The following DCHS1 variants were observed in gnomAD, a reference collection of about 807,000 sequenced individuals.
DCHS1 encodes the protein protocadherin-16.
In DCHS1, 78 loss-of-function variants were observed where a neutral mutation model predicts 213.9. That is an observed-to-expected ratio of 0.36 (90% CI 0.30 to 0.44). The LOEUF is 0.44. DCHS1 is among the 20% of genes least tolerant of loss of function. The probability of loss-of-function intolerance (pLI) is 1.00; values close to 1 mark genes in which losing one functional copy is unlikely to be tolerated. For missense variants in DCHS1, 3,946 were observed against 4,395.9 expected (o/e 0.90, Z 2.89); for synonymous variants, 1,828 against 1,873.7 (o/e 0.98, Z 0.63).
intron 1 of DCHS1, among the ~76,000 whole-genome samples, chr11:6,645,265 C>T (rs932327187): frequency 1.3e-5 from 2 of 152,150 alleles, no homozygotes; most frequent in Non-Finnish European, 2.9e-5. Context: ...ACAAGGAGGT[C>T]AGGGTGAACC....
chr11:6,647,313 C>T (rs548056279), intron 1 of DCHS1, among the ~76,000 whole-genome samples: 2 of 152,190 alleles, frequency 1.3e-5, no homozygotes, highest in East Asian at 3.9e-4. Flanking sequence ...GCAGGAACAG[C>T]CACAGCCCCA....
intron 1 of DCHS1, among the ~76,000 whole-genome samples, chr11:6,650,591 T>C (rs930410662): frequency 5.9e-5 from 9 of 151,880 alleles, no homozygotes; most frequent in Non-Finnish European, 1.3e-4. Flanking sequence ...GAACCTAATA[T>C]GGGGAGGACT....
chr11:6,638,306 C>T (rs1420686160), intron 2 of DCHS1, among the ~76,000 whole-genome samples: 1 of 152,212 alleles, frequency 6.6e-6, no homozygotes, highest in Non-Finnish European at 1.5e-5. Flanking sequence ...CTCCTGCTGC[C>T]ATTCTCCACA....
chr11:6,636,150 G>A (rs1196154592), intron 2 of DCHS1, among the ~76,000 whole-genome samples: 1 of 152,136 alleles, frequency 6.6e-6, no homozygotes, highest in Non-Finnish European at 1.5e-5. Context: ...TACTCCATAT[G>A]CCTATCCCAA....
In DCHS1 at chr11:6,623,976, T is replaced by C. The variant is rs1855749960; in HGVS notation, c.7700A>G (p.Gln2567Arg). ...AGCTGCAGCCACTGTTAGATTGTAC[T>C]GTGTCAGGCTTTCAAAGTCTAGAGG... ...LEPLDFESLT[Q>R]YNLTVAAADR... is the part of the protein sequence containing the mutation. Residue 2567 changes from glutamine (Q) to arginine (R), a missense_variant, in exon 21 of 21, where the codon CAG becomes CGG. Gln to Arg is a conservative substitution (Grantham distance 43). Transcript: ENST00000299441. 6.2e-7 allele frequency: 1 copy of C among 1,610,686 alleles called. No homozygotes were observed. Among genetic ancestry groups the C allele is most frequent in the Non-Finnish European group, 8.5e-7 (1 of 1,177,478 alleles).
Position 6,632,124 on chromosome 11 carries a change from T to C in DCHS1, c.3388A>G (p.Thr1130Ala). The C allele has an allele frequency of 1.3e-6, 2 of 1,573,556 alleles. No homozygotes were observed. Among genetic ancestry groups the C allele is most frequent in the Non-Finnish European group, 8.7e-7 (1 of 1,155,668 alleles). Residue 1130 changes from threonine to alanine, a missense_variant, in exon 6 of 21, where the codon ACT (threonine) becomes GCT (alanine). This residue lies in a region of DCHS1 where 3,384 missense variants were observed against 3,780.1 expected (regional missense o/e 0.90). Coordinates refer to ENST00000299441, the MANE Select transcript of DCHS1 (RefSeq NM_003737.4). The surrounding 1 kb of genome is among the most constrained non-coding windows in gnomAD (Gnocchi z 5.9). The part of the protein sequence containing the change: ...PGTSVGRVFA[T>A]DRDSGPNGRL... Reference sequence around the variant, plus strand: ...CCATTGGGTCCTGAGTCTCGGTCAGTGGCAAAGACTCGGCCCACGCTGGTC... The same window carrying C: ...CCATTGGGTCCTGAGTCTCGGTCAGCGGCAAAGACTCGGCCCACGCTGGTC...
Position 6,630,090 on chromosome 11 carries a change from T to A in DCHS1, c.4704A>T (p.Val1568=), listed in dbSNP as rs530546569. The A allele has an allele frequency of 5.0e-6, 8 of 1,595,726 alleles. No individual in the cohort carries two copies. In the East Asian group the frequency reaches 1.8e-4, roughly 36 times the overall value. Residue 1568 remains valine, a synonymous_variant, in exon 10 of 21, where the codon GTA becomes GTT. Coordinates refer to ENST00000299441, the MANE Select transcript of DCHS1 (RefSeq NM_003737.4). ...QPPGPAALHV[V]ARDPDLGEAA... is the part of the protein sequence containing the mutation. ...CCTCGCCCAGATCCGGGTCCCGGGC[T>A]ACCACGTGCAGGGCCGCGGGCCCAG...
rs1364162808 is a variant in DCHS1 at position 6,628,506 on chromosome 11, G to A, written c.5371+115C>T. 7 of 1,150,544 alleles carry A rather than the reference G, an allele frequency of 6.1e-6. No individual in the cohort carries two copies. The African/African-American group carries it at 6.1e-5, about 10-fold the overall frequency. The allele number at this position is 1,150,544 out of a possible 1,614,324, so 71.3% of individuals were successfully genotyped here. ...TATAAGCATGAAAGAAAAGGTGGACGACATCAAGAGGGAAAAGGAGACCCA... is the reference window on the plus strand; with the variant it reads ...TATAAGCATGAAAGAAAAGGTGGACAACATCAAGAGGGAAAAGGAGACCCA... On this transcript the variant is annotated intron_variant, in intron 13 of 20. Coordinates refer to ENST00000299441, the MANE Select transcript of DCHS1 (RefSeq NM_003737.4). This position sits in a 1 kb window ranked among gnomAD's most constrained non-coding sequence, Gnocchi z 4.3.
intron 1 of DCHS1, among the ~76,000 whole-genome samples, chr11:6,649,699 G>A (rs747642713): frequency 2.6e-5 from 4 of 152,140 alleles, no homozygotes; most frequent in South Asian, 2.1e-4. Context: ...CGGCAGGGAC[G>A]GGCAGGGCAG....
Position 6,631,065 on chromosome 11 carries a change from C to A in DCHS1, c.3918G>T (p.Gln1306His). The change falls in exon 9 of 21, where the codon CAG (glutamine) becomes CAT (histidine). Residue 1306 changes from glutamine (Q) to histidine (H), a missense_variant. This residue lies in a region of DCHS1 where 3,384 missense variants were observed against 3,780.1 expected (regional missense o/e 0.90). Coordinates refer to ENST00000299441, the MANE Select transcript of DCHS1 (RefSeq NM_003737.4). Reference protein sequence around the residue: ...QGSPPRSASLQLLVQVLPSAR... With the variant: ...QGSPPRSASLHLLVQVLPSAR... ...AGGGCAGCCATACCTGCACCAGCAGCTGGAGGCTGGCACTTCGAGGAGGGC... is the reference window on the plus strand; with the variant it reads ...AGGGCAGCCATACCTGCACCAGCAGATGGAGGCTGGCACTTCGAGGAGGGC... 3.7e-6 allele frequency: 6 copies of A among 1,608,962 alleles called. No individual in the cohort carries two copies. In the East Asian group the frequency reaches 1.3e-4, roughly 36 times the overall value.
chr11:6,654,958 G>A (rs982829853), intron 1 of DCHS1, among the ~76,000 whole-genome samples: 5 of 151,018 alleles, frequency 3.3e-5, no homozygotes, highest in African/African-American at 1.2e-4. Flanking sequence ...ACTCCCAGTT[G>A]CTCCAATCTC....
chr11:6,654,713 T>C (rs1418039260), intron 1 of DCHS1, among the ~76,000 whole-genome samples: 1 of 152,088 alleles, frequency 6.6e-6, no homozygotes, highest in Non-Finnish European at 1.5e-5. Flanking sequence ...TGGGACTGTG[T>C]CCTCTTGTGG....
chr11:6,625,305 G>A lies in DCHS1; in HGVS notation c.7039C>T (p.Leu2347=). 6.2e-7 allele frequency: 1 copy of A among 1,613,884 alleles called. No individual in the cohort carries two copies. The highest frequency in any genetic ancestry group is 8.5e-7 in the Non-Finnish European group (1 of 1,179,886). ...LDFEQCDRYQ[L]QLLAHDGPHE... ...GGCCCATCATGTGCCAGCAGCTGCA[G>A]CTGGTAGCGGTCACACTGCTCAAAG... is the stretch of plus-strand genomic sequence containing the variant. Residue 2347 remains leucine, a synonymous_variant, in exon 19 of 21, where the codon CTG becomes TTG. Transcript: ENST00000299441. The surrounding 1 kb of genome is among the most constrained non-coding windows in gnomAD (Gnocchi z 5.3).
Position 6,626,365 on chromosome 11 carries a change from C to A in DCHS1, c.6380G>T (p.Arg2127Leu). ...CTCGAAGTCTAGCCCCTCTGCTGAG[C>A]GAACTGTGATGGCACCTGGGCGAGA... ...IQPSTGAITV[R>L]SAEGLDFEVS... The change falls in exon 16 of 21, where the codon CGC (arginine) becomes CTC (leucine). Residue 2127 changes from arginine (R) to leucine (L), a missense_variant. This residue lies in a region of DCHS1 where 3,384 missense variants were observed against 3,780.1 expected (regional missense o/e 0.90). Coordinates refer to ENST00000299441, the MANE Select transcript of DCHS1 (RefSeq NM_003737.4). The surrounding 1 kb of genome is among the most constrained non-coding windows in gnomAD (Gnocchi z 5.2). 6.2e-7 allele frequency: 1 copy of A among 1,613,310 alleles called. No homozygotes were observed. The highest frequency in any genetic ancestry group is 8.5e-7 in the Non-Finnish European group (1 of 1,179,612).
intron 2 of DCHS1, among the ~76,000 whole-genome samples, chr11:6,638,954 T>C (rs1280983115): frequency 6.6e-6 from 1 of 151,934 alleles, no homozygotes; most frequent in African/African-American, 2.4e-5. Context: ...CTATTAAAAA[T>C]ACAAAAAATT....
In DCHS1 at chr11:6,632,153, G is replaced by A; in HGVS notation, c.3359C>T (p.Pro1120Leu). ...AAAGACTCGGCCCACGCTGGTCCCT[G>A]GGGGCTGGTTCTCAGCCACAGCCAG... is the stretch of plus-strand genomic sequence containing the variant. ...TFLAVAENQP[P>L]GTSVGRVFAT... Residue 1120 changes from proline to leucine, a missense_variant, in exon 6 of 21, where the codon CCA (proline) becomes CTA (leucine). Pro to Leu is a moderately conservative substitution (Grantham distance 98). This residue lies in a region of DCHS1 where 3,384 missense variants were observed against 3,780.1 expected (regional missense o/e 0.90). Transcript: ENST00000299441. This position sits in a 1 kb window ranked among gnomAD's most constrained non-coding sequence, Gnocchi z 5.9. 1 of 1,592,138 alleles carries A rather than the reference G, an allele frequency of 6.3e-7. No homozygotes were observed. The highest frequency in any genetic ancestry group is 8.6e-7 in the Non-Finnish European group (1 of 1,165,852).
chr11:6,650,207 T>C (rs1856223674), intron 1 of DCHS1, among the ~76,000 whole-genome samples: 1 of 152,084 alleles, frequency 6.6e-6, no homozygotes, highest in South Asian at 2.1e-4. Flanking sequence ...TTCTATCCAG[T>C]AGCTTAGAAA....
In DCHS1 at chr11:6,630,601, G is replaced by T; in HGVS notation, c.4193C>A (p.Ala1398Asp). The part of the protein sequence containing the change: ...LYLARPLDFE[A>D]GPPWRALTVR... Reference sequence around the variant, plus strand: ...CGTAAGCGCGCGCCACGGCGGGCCAGCTTCGAAGTCCAGGGGCCGCGCCAG... The same window carrying T: ...CGTAAGCGCGCGCCACGGCGGGCCATCTTCGAAGTCCAGGGGCCGCGCCAG... Residue 1398 changes from alanine (A) to aspartate (D), a missense_variant, in exon 10 of 21, where the codon GCT becomes GAT. By Grantham distance (126) the Ala-to-Asp change is moderately radical. Transcript: ENST00000299441. 6.5e-7 allele frequency: 1 copy of T among 1,542,420 alleles called. No homozygotes were observed. The highest frequency in any genetic ancestry group is 2.0e-5 in the Admixed American group (1 of 50,930).
rs200080554 is a variant in DCHS1, at chr11:6,632,241, C to T, written c.3271G>A (p.Val1091Met). The stretch of plus-strand genomic sequence containing the variant: ...TTCTGGTTGAGGATGCTGACCCTCA[C>T]GGTGGCTGTGCCTGTCTGCTGCCCC... ...ELGQQTGTATVRVSILNQNEH... is the reference protein window; with the variant it reads ...ELGQQTGTATMRVSILNQNEH... The change falls in exon 6 of 21, where the codon GTG becomes ATG. Residue 1091 changes from valine (V) to methionine (M), a missense_variant. Physicochemically the swap from Val to Met is conservative, Grantham distance 21. Coordinates refer to ENST00000299441, the MANE Select transcript of DCHS1 (RefSeq NM_003737.4). The surrounding 1 kb of genome is among the most constrained non-coding windows in gnomAD (Gnocchi z 5.9). The T allele has an allele frequency of 7.4e-6, 12 of 1,613,700 alleles. No individual in the cohort carries two copies. The highest frequency in any genetic ancestry group is 3.3e-5 in the South Asian group (3 of 91,072).
Sources: gnomAD v4.1 joint callset for allele counts (sites outside exome capture counted in the v4.1 genomes callset) on GRCh38, gnomAD v4.1.1 for gene constraint, gnomAD v4.1.1 regional missense constraint, Gnocchi (gnomAD v3.1) non-coding constraint, MANE v1.5 for transcripts, NCBI Gene and HGNC (gene_info 2026-07-23, HGNC 2026-07-21) for gene names.